Variants in ZNF207 observed in about 807,000 individuals in gnomAD.
ZNF207 encodes BUB3-interacting and GLEBS motif-containing protein ZNF207.
In ZNF207, 24 loss-of-function variants were observed where a neutral mutation model predicts 60.2. That is an observed-to-expected ratio of 0.40 (90% confidence interval 0.29 to 0.56). The LOEUF (loss-of-function observed/expected upper bound fraction) is 0.56, where lower values mean the gene tolerates loss of function less well. Ranked by LOEUF, ZNF207 falls within the 20% of genes least tolerant of loss-of-function variation. The pLI is 0.49. For synonymous variants in ZNF207, 236 were observed against 194.7 expected, an observed-to-expected ratio of 1.21 and a Z score of -1.77; for missense variants, 452 against 636.6, an observed-to-expected ratio of 0.71 and a Z score of 3.12.
At chr17:32,366,441 C>G (rs1157315100) in intron 8 of ZNF207, among the ~76,000 whole-genome samples, 1 of 152,168 alleles carries the variant, frequency 6.6e-6, no homozygotes, top group Non-Finnish European at 1.5e-5. Context: ...AGAAAAGAAA[C>G]TAGTTAACTA....
intron 9 of ZNF207, 145 bp downstream of exon 9, chr17:32,366,902 A>G (rs1222114819): frequency 5.8e-6 from 4 of 690,400 alleles, no homozygotes; most frequent in Non-Finnish European, 8.7e-6. Flanking sequence ...GTCAAATGGT[A>G]TTTAAAAATT....
intron 7 of ZNF207, 124 bp from the exon 8 acceptor site, chr17:32,365,206 A>G: frequency 9.3e-7 from 1 of 1,076,212 alleles, no homozygotes; most frequent in African/African-American, 1.6e-5. Flanking sequence ...GCAAATGCCT[A>G]AGTTCCTTGG....
intron 1 of ZNF207, 117 bp downstream of exon 1, chr17:32,350,443 GGGTGGCCT>G (rs2041479894): frequency 7.3e-7 from 1 of 1,374,424 alleles, no homozygotes; most frequent in East Asian, 2.3e-5. Flanking sequence ...GCGTCTGCGT[GGGTGGCCT>G]GGTGGCTGGG....
Position 32,373,591 on chromosome 17 carries a change from C to G in ZNF207, c.*3832C>G, listed in dbSNP as rs997208870. On this transcript the variant is annotated 3_prime_UTR_variant, in exon 12 of 12. Transcript: ENST00000394670. ...ACTTAGGATTTTTATACTCTTTTGG[C>G]AGAGAAGGCTCTATATTAATATTCA... 14 of 416,912 alleles carry G rather than the reference C, an allele frequency of 3.4e-5. No homozygotes were observed. Among genetic ancestry groups the G allele is most frequent in the Admixed American group, 8.1e-5 (2 of 24,830 alleles). The allele number at this position is 416,912 out of a possible 1,614,324, so 25.8% of individuals were successfully genotyped here.
At chr17:32,355,770 C>T (rs1229470017) in intron 2 of ZNF207, among the ~76,000 whole-genome samples, 2 of 152,030 alleles carry the variant, frequency 1.3e-5, no homozygotes, top group Admixed American at 1.3e-4. Flanking sequence ...AGAGTAGTGC[C>T]CTGGAAGTCA....
In ZNF207 at chr17:32,376,917, G is replaced by A. The variant is rs190162010; in HGVS notation, c.*7158G>A. 1.3e-4 allele frequency: 20 copies of A among 152,072 alleles called. 1 individual carries two copies. The allele number at this position is 152,072 out of a possible 1,614,324, so 9.4% of individuals were successfully genotyped here. On this transcript the variant is annotated 3_prime_UTR_variant, in exon 12 of 12. Coordinates refer to ENST00000394670, the MANE Select transcript of ZNF207 (RefSeq NM_001098507.2). ...TAATGTGTGCTGTGTTTGTAAAAAG[G>A]TGAAGTACTTTATTGGCATTTTCTA...
At chr17:32,367,054 C>G (rs1176532055) in intron 9 of ZNF207, among the ~76,000 whole-genome samples, 1 of 151,316 alleles carries the variant, frequency 6.6e-6, no homozygotes, top group African/African-American at 2.4e-5. Flanking sequence ...TTTAATGCAT[C>G]ACATTTAATG....
intron 2 of ZNF207, among the ~76,000 whole-genome samples, chr17:32,357,427 T>G (rs961804517): frequency 2.7e-5 from 4 of 149,664 alleles, no homozygotes; most frequent in Admixed American, 1.3e-4. Flanking sequence ...CGGCTCACTG[T>G]AACCTCTGCC....
At chr17:32,354,285 C>CT (rs1904373037) in intron 2 of ZNF207, among the ~76,000 whole-genome samples, 2 of 151,704 alleles carry the variant, frequency 1.3e-5, no homozygotes, top group African/African-American at 4.8e-5. Context: ...CGGCCATTTT[C>CT]TTTAATTCTG....
At chr17:32,351,039 C>T (rs2041496796) in intron 1 of ZNF207, 1 of 153,358 alleles carries the variant, frequency 6.5e-6, no homozygotes, top group Non-Finnish European at 1.4e-5. Context: ...CGTTAATATT[C>T]TTTACATTAA....
chr17:32,351,714 T>A, intron 1 of ZNF207, 72 bp from the exon 2 acceptor site: 14 of 1,611,630 alleles, frequency 8.7e-6, no homozygotes, highest in Non-Finnish European at 1.2e-5. Context: ...CATATTGTAA[T>A]GTTATCCATA....
chr17:32,378,549 G>A lies in ZNF207; in HGVS notation c.*8790G>A, dbSNP rs944931692. On this transcript the variant is annotated 3_prime_UTR_variant, in exon 12 of 12. Transcript: ENST00000394670. ...ACGTATCCCGTTGGTGTACCAGTGA[G>A]TTCATTTTACTGTAAACTAAGAATA... 1.3e-5 allele frequency: 2 copies of A among 151,932 alleles called. No homozygotes were observed. The highest frequency in any genetic ancestry group is 2.1e-4 in the South Asian group (1 of 4,820). 9.4% of individuals were successfully genotyped at this position (151,932 alleles called of 1,614,324 possible). A position where few individuals can be genotyped will look rare whatever the true frequency, so the allele number is the denominator to read the frequency against.
intron 9 of ZNF207, 42 bp from the exon 10 acceptor site, chr17:32,367,730 T>G (rs772592872): frequency 4.4e-6 from 7 of 1,605,876 alleles, no homozygotes; most frequent in Non-Finnish European, 6.0e-6. Context: ...ATAGTTAATT[T>G]AAGGTTTTGA....
Position 32,373,108 on chromosome 17 carries a change from A to T in ZNF207, c.*3349A>T, listed in dbSNP as rs1017401118. 3.6e-6 allele frequency: 1 copy of T among 277,882 alleles called. No homozygotes were observed. Among genetic ancestry groups the T allele is most frequent in the Non-Finnish European group, 6.7e-6 (1 of 149,904 alleles). 17.2% of individuals were successfully genotyped at this position (277,882 alleles called of 1,614,324 possible). A position where few individuals can be genotyped will look rare whatever the true frequency, so the allele number is the denominator to read the frequency against. On this transcript the variant is annotated 3_prime_UTR_variant, in exon 12 of 12. Coordinates refer to ENST00000394670, the MANE Select transcript of ZNF207 (RefSeq NM_001098507.2). ...ATACTTAGTATTTTAGTAGTGTCTCACACATTTGCCATTAGGTATGAATAA... is the reference window on the plus strand; with the variant it reads ...ATACTTAGTATTTTAGTAGTGTCTCTCACATTTGCCATTAGGTATGAATAA...
chr17:32,357,896 C>T (rs928441694), intron 2 of ZNF207, among the ~76,000 whole-genome samples: 2 of 152,076 alleles, frequency 1.3e-5, no homozygotes, highest in African/African-American at 2.4e-5. Flanking sequence ...TCTGCCTCCT[C>T]AGCCTCCCCA....
intron 9 of ZNF207, among the ~76,000 whole-genome samples, chr17:32,367,405 T>G (rs1905254266): frequency 1.3e-5 from 2 of 151,106 alleles, no homozygotes. Flanking sequence ...GATAGATTAA[T>G]AACTAATTAA....
In ZNF207 at chr17:32,360,580, A is replaced by AT. The variant is rs371637866; in HGVS notation, c.308-6dup. 15,835 of 1,109,300 alleles carry AT rather than the reference A, an allele frequency of 0.014. 89 individuals are homozygous for AT. The highest frequency in any genetic ancestry group is 0.079 in the African/African-American group (4,943 of 62,884). 68.7% of individuals were successfully genotyped at this position (1,109,300 alleles called of 1,614,324 possible). On this transcript the variant is annotated splice_polypyrimidine_tract_variant and intron_variant, in intron 3 of 11. Coordinates refer to ENST00000394670, the MANE Select transcript of ZNF207 (RefSeq NM_001098507.2). ...TCTTAGTTTTTACTCTATGGAAATA[A>AT]TTTTTTTTTTTTAACAGAAAGTCAA...
At chr17:32,356,782 C>A in intron 2 of ZNF207, among the ~76,000 whole-genome samples, 1 of 152,118 alleles carries the variant, frequency 6.6e-6, no homozygotes, top group East Asian at 1.9e-4. Context: ...AGGGATATTA[C>A]ATTATTGGCA....
chr17:32,379,325 C>T lies in ZNF207; in HGVS notation c.*9566C>T, dbSNP rs949191360. On this transcript the variant is annotated 3_prime_UTR_variant, in exon 12 of 12. Coordinates refer to ENST00000394670, the MANE Select transcript of ZNF207 (RefSeq NM_001098507.2). ...TGAATTTCTACATCTTTGGATATTA[C>T]TTGAATCAAGAATATTAGAAAATTA... 4 of 152,032 alleles carry T rather than the reference C, an allele frequency of 2.6e-5. No individual in the cohort carries two copies. Among genetic ancestry groups the T allele is most frequent in the African/African-American group, 4.8e-5 (2 of 41,420 alleles). 9.4% of individuals were successfully genotyped at this position (152,032 alleles called of 1,614,324 possible).
Sources: gnomAD v4.1 joint callset for allele counts (sites outside exome capture counted in the v4.1 genomes callset) on GRCh38, gnomAD v4.1.1 for gene constraint, MANE v1.5 for transcripts, NCBI Gene and HGNC (gene_info 2026-07-23, HGNC 2026-07-21) for gene names.